Variants in SYT16 observed in about 807,000 individuals in gnomAD.
The protein encoded by SYT16 is synaptotagmin-16.
SYT16 carries 42 observed loss-of-function variants against 61.4 expected under a neutral mutation model. The observed-to-expected ratio is 0.68, with a 90% confidence interval of 0.53 to 0.89. SYT16 has a LOEUF of 0.89. Among genes scored for constraint, SYT16 ranks in the 40% least tolerant of loss-of-function variants. The probability of loss-of-function intolerance (pLI) is 0.00; values close to 1 mark genes in which losing one functional copy is unlikely to be tolerated. For synonymous variants in SYT16, 314 were observed against 302.3 expected, an observed-to-expected ratio of 1.04 and a Z score of -0.40; for missense variants, 804 against 807.3, an observed-to-expected ratio of 1.00 and a Z score of 0.05.
intron 1 of SYT16, among the ~76,000 whole-genome samples, chr14:61,947,823 C>G (rs1489953175): frequency 1.3e-5 from 2 of 152,158 alleles, no homozygotes; most frequent in Non-Finnish European, 2.9e-5. Context: ...GTGCATTCAT[C>G]CCTTCTGCCA....
At chr14:62,012,264 T>C (rs1305145478) in intron 3 of SYT16, among the ~76,000 whole-genome samples, 1 of 152,182 alleles carries the variant, frequency 6.6e-6, no homozygotes, top group Non-Finnish European at 1.5e-5. Context: ...AGTCTACTTC[T>C]AAGCTCTCTC....
chr14:61,966,500 T>G (rs2051320870), intron 1 of SYT16, among the ~76,000 whole-genome samples: 1 of 152,214 alleles, frequency 6.6e-6, no homozygotes, highest in South Asian at 2.1e-4. Flanking sequence ...AACTTTTTAA[T>G]AAATACAAAT....
intron 1 of SYT16, among the ~76,000 whole-genome samples, chr14:61,859,303 T>C (rs1263899634): frequency 6.6e-6 from 1 of 152,050 alleles, no homozygotes; most frequent in Non-Finnish European, 1.5e-5. Context: ...GTGCCAGCCA[T>C]GTGTACAGTA....
intron 1 of SYT16, among the ~76,000 whole-genome samples, chr14:61,954,306 GC>G (rs1432650772): frequency 2.3e-5 from 3 of 132,552 alleles, no homozygotes; most frequent in African/African-American, 8.7e-5. Flanking sequence ...CAATTGGTTA[GC>G]CTTTTTTTTT....
chr14:62,044,535 G>C (rs2054885245), intron 3 of SYT16, among the ~76,000 whole-genome samples: 1 of 152,106 alleles, frequency 6.6e-6, no homozygotes, highest in African/African-American at 2.4e-5. Flanking sequence ...CCTACTTATG[G>C]GTGAGAACAT....
At position 62,094,846 on chromosome 14, in the gene SYT16, C is replaced by T. The variant is rs184350360; in HGVS notation, c.1625-5548C>T. On this transcript the variant is annotated intron_variant, in intron 7 of 7. Coordinates refer to ENST00000683842, the MANE Select transcript of SYT16 (RefSeq NM_001367656.1). ...CTGAACTGTTTGCACACAGGACAGG[C>T]GATTTTTTTATAGGGATCTTTGATC... Among the ~76,000 whole-genome samples the T allele has an allele frequency of 4.0e-4, 61 of 151,942 alleles. 1 individual carries two copies. The East Asian group carries it at 9.9e-3, about 25-fold the overall frequency.
intron 1 of SYT16, among the ~76,000 whole-genome samples, chr14:61,868,763 TG>T (rs1455496187): frequency 2.0e-5 from 3 of 152,080 alleles, no homozygotes; most frequent in African/African-American, 7.2e-5. Flanking sequence ...AAGAATATTT[TG>T]TTTTTGTTGG....
At chr14:61,923,216 A>T (rs2049406595) in intron 1 of SYT16, among the ~76,000 whole-genome samples, 1 of 152,180 alleles carries the variant, frequency 6.6e-6, no homozygotes, top group Non-Finnish European at 1.5e-5. Flanking sequence ...TATGGCACCA[A>T]ACTCATTCAT....
At position 62,107,919 on chromosome 14, in the gene SYT16, T is replaced by A. The variant is rs1448713471; in HGVS notation, c.*7212T>A. 3 of 152,236 alleles carry A rather than the reference T, an allele frequency of 2.0e-5. No homozygotes were observed. Among genetic ancestry groups the A allele is most frequent in the African/African-American group, 7.2e-5 (3 of 41,460 alleles). The allele number at this position is 152,236 out of a possible 1,614,324, so 9.4% of individuals were successfully genotyped here. On this transcript the variant is annotated 3_prime_UTR_variant, in exon 8 of 8. Coordinates refer to ENST00000683842, the MANE Select transcript of SYT16 (RefSeq NM_001367656.1). ...GTAAGTTAGATCCTGGAATGCTAGG[T>A]CTGTACAAACTTGACACATTTCTTA... is the stretch of plus-strand genomic sequence containing the variant.
At chr14:62,033,510 A>G (rs1428074387) in intron 3 of SYT16, among the ~76,000 whole-genome samples, 1 of 152,164 alleles carries the variant, frequency 6.6e-6, no homozygotes, top group Non-Finnish European at 1.5e-5. Context: ...AGTAATCATG[A>G]ATCAGTTGAG....
At chr14:61,997,291 CA>C (rs1210566442) in intron 3 of SYT16, among the ~76,000 whole-genome samples, 7 of 152,004 alleles carry the variant, frequency 4.6e-5, no homozygotes, top group Admixed American at 4.6e-4. Context: ...ATGATATACA[CA>C]GAAGGGATTT....
chr14:62,022,682 A>C (rs1032263697), intron 3 of SYT16, among the ~76,000 whole-genome samples: 3 of 151,746 alleles, frequency 2.0e-5, no homozygotes, highest in African/African-American at 7.3e-5. Context: ...TTTTTTTACT[A>C]TCCGGTTTTA....
intron 3 of SYT16, among the ~76,000 whole-genome samples, chr14:62,012,363 G>A (rs1479734586): frequency 1.3e-5 from 2 of 152,190 alleles, no homozygotes; most frequent in African/African-American, 4.8e-5. Context: ...ACCCTCAACT[G>A]CTGGAGGCTG....
chr14:61,906,226 G>A (rs565791140), intron 1 of SYT16, among the ~76,000 whole-genome samples: 6 of 152,340 alleles, frequency 3.9e-5, no homozygotes, highest in Admixed American at 6.5e-5. Flanking sequence ...ACTGGTGAAT[G>A]TGGGAGGGTT....
At position 61,945,787 on chromosome 14, in the gene SYT16, C is replaced by T. The variant is rs555075301; in HGVS notation, c.-324-24345C>T. The stretch of plus-strand genomic sequence containing the variant: ...AGGAGAATGGCGTGAACCCGGGAGG[C>T]GGAACTTGCAGTGAGCCGAGATCAC... On this transcript the variant is annotated intron_variant, in intron 1 of 7. Transcript: ENST00000683842. Among the ~76,000 whole-genome samples the T allele has an allele frequency of 3.0e-3, 389 of 128,568 alleles. 1 individual carries two copies. The highest frequency in any genetic ancestry group is 0.01 in the African/African-American group (362 of 36,018). The allele number at this position is 128,568 out of a possible 152,430, so 84.3% of individuals were successfully genotyped here. A position where few individuals can be genotyped will look rare whatever the true frequency, so the allele number is the denominator to read the frequency against.
At chr14:62,070,715 G>T (rs2056266478) in intron 4 of SYT16, among the ~76,000 whole-genome samples, 1 of 152,216 alleles carries the variant, frequency 6.6e-6, no homozygotes, top group African/African-American at 2.4e-5. Context: ...GGAAGGGTCT[G>T]TGAAGTGTAT....
intron 2 of SYT16, among the ~76,000 whole-genome samples, chr14:61,983,312 A>G (rs889487196): frequency 1.3e-5 from 2 of 152,224 alleles, no homozygotes; most frequent in African/African-American, 4.8e-5. Flanking sequence ...CTTAAGGAGC[A>G]AATACCTTAT....
chr14:61,835,313 C>CAGT (rs2046091887), intron 1 of SYT16, among the ~76,000 whole-genome samples: 1 of 130,972 alleles, frequency 7.6e-6, no homozygotes, highest in South Asian at 2.4e-4. Context: ...GGAAAGAGTG[C>CAGT]AGTGGCGCGG....
chr14:62,027,667 C>T (rs1257041774), intron 3 of SYT16, among the ~76,000 whole-genome samples: 1 of 152,162 alleles, frequency 6.6e-6, no homozygotes, highest in Non-Finnish European at 1.5e-5. Context: ...TCCTTTGGTT[C>T]CTGCAGCACC....
Sources: gnomAD v4.1 joint callset for allele counts (sites outside exome capture counted in the v4.1 genomes callset) on GRCh38, gnomAD v4.1.1 for gene constraint, MANE v1.5 for transcripts, NCBI Gene and HGNC (gene_info 2026-07-23, HGNC 2026-07-21) for gene names.